Variants in EFNB2 observed in about 807,000 individuals in gnomAD.
EFNB2 encodes the protein ephrin B2.
EFNB2 carries 5 observed loss-of-function variants against 32.1 expected under a neutral mutation model. That is an observed-to-expected ratio of 0.16 (90% CI 0.08 to 0.33). EFNB2 has a LOEUF of 0.33. Ranked by LOEUF, EFNB2 falls within the 10% of genes least tolerant of loss-of-function variation. The probability of loss-of-function intolerance (pLI) is 1.00; values close to 1 mark genes in which losing one functional copy is unlikely to be tolerated. For synonymous variants in EFNB2, 168 were observed against 166.5 expected (o/e 1.01, Z -0.07); for missense variants, 263 against 422.6 (o/e 0.62, Z 3.31).
rs765962399 is a variant in EFNB2, at chr13:106,494,912, C to T, written c.582G>A (p.Ser194=). Residue 194 remains serine (S), a synonymous_variant, in exon 4 of 5, where the codon TCG becomes TCA. Transcript: ENST00000646441. ...ELEAGTNGRS[S]TTSPFVKPNP... ...TTGGTTTTACAAAGGGACTTGTTGT[C>T]GAACTTCTTCCATTTGTACCAGCTT... 1.1e-5 allele frequency: 18 copies of T among 1,613,986 alleles called. No homozygotes were observed. The highest frequency in any genetic ancestry group is 6.7e-5 in the East Asian group (3 of 44,882).
intron 2 of EFNB2, among the ~76,000 whole-genome samples, chr13:106,502,197 A>C (rs1878805574): frequency 6.6e-6 from 1 of 152,216 alleles, no homozygotes; most frequent in Non-Finnish European, 1.5e-5. Context: ...AGCTTCAGTG[A>C]CTTTTCTATG....
intron 4 of EFNB2, among the ~76,000 whole-genome samples, chr13:106,494,522 G>GA (rs1878525324): frequency 2.0e-5 from 3 of 152,202 alleles, no homozygotes; most frequent in African/African-American, 7.2e-5. Flanking sequence ...GATATAATTA[G>GA]ATGAGGGATT....
At chr13:106,515,969 G>A (rs905230732) in intron 1 of EFNB2, among the ~76,000 whole-genome samples, 1 of 152,160 alleles carries the variant, frequency 6.6e-6, no homozygotes, top group Non-Finnish European at 1.5e-5. Context: ...CTCCCTGAGG[G>A]CAGGCAAGTC....
At chr13:106,526,273 G>C (rs943146622) in intron 1 of EFNB2, among the ~76,000 whole-genome samples, 2 of 152,132 alleles carry the variant, frequency 1.3e-5, no homozygotes, top group African/African-American at 4.8e-5. Flanking sequence ...GCACAAATTC[G>C]GGTTGTCTGT....
chr13:106,512,387 A>AG (rs2138921052), intron 2 of EFNB2, 142 bp downstream of exon 2: 1 of 556,360 alleles, frequency 1.8e-6, no homozygotes, highest in East Asian at 3.5e-5. Flanking sequence ...CTTTGAAAAA[A>AG]AAAAAGGGGG....
chr13:106,500,612 T>C (rs1035006859), intron 2 of EFNB2, among the ~76,000 whole-genome samples: 1 of 152,104 alleles, frequency 6.6e-6, no homozygotes, highest in Non-Finnish European at 1.5e-5. Context: ...AATAAAAACG[T>C]TGCCCTTACA....
rs1487588046 is a variant in EFNB2 at position 106,535,623 on chromosome 13, G to C, written c.-659C>G. 2 of 150,528 alleles carry C rather than the reference G, an allele frequency of 1.3e-5. No individual in the cohort carries two copies. Among genetic ancestry groups the C allele is most frequent in the African/African-American group, 2.4e-5 (1 of 41,172 alleles). 9.3% of individuals were successfully genotyped at this position (150,528 alleles called of 1,614,324 possible). A position where few individuals can be genotyped will look rare whatever the true frequency, so the allele number is the denominator to read the frequency against. On this transcript the variant is annotated 5_prime_UTR_variant, in exon 1 of 5. Coordinates refer to ENST00000646441, the MANE Select transcript of EFNB2 (RefSeq NM_004093.4). ...GGACCCGCTGCGTGCGCAGCTCCTC[G>C]CTCCGGCCGGCGCCGCGGTCCCCGC... is the stretch of plus-strand genomic sequence containing the variant.
chr13:106,516,682 G>A (rs753487453), intron 1 of EFNB2: 3 of 152,208 alleles, frequency 2.0e-5, no homozygotes, highest in Non-Finnish European at 2.9e-5. Flanking sequence ...AGCGTCACAT[G>A]GAGAGCCAGG....
At chr13:106,522,170 G>T (rs997439622) in intron 1 of EFNB2, among the ~76,000 whole-genome samples, 3 of 152,156 alleles carry the variant, frequency 2.0e-5, no homozygotes, top group Non-Finnish European at 4.4e-5. Context: ...CAGTGGGCAA[G>T]TGAGAAGGGG....
chr13:106,519,790 T>G (rs1253846779), intron 1 of EFNB2: 2 of 152,240 alleles, frequency 1.3e-5, no homozygotes, highest in African/African-American at 2.4e-5. Context: ...TAGTCAATGC[T>G]TTTGTGATAA....
chr13:106,531,569 G>A (rs962043689), intron 1 of EFNB2, among the ~76,000 whole-genome samples: 16 of 152,212 alleles, frequency 1.1e-4, no homozygotes, highest in African/African-American at 3.9e-4. Flanking sequence ...ATGGAAGGCA[G>A]GCTGGCTTAT....
intron 2 of EFNB2, 26 bp from the exon 3 acceptor site, chr13:106,495,866 C>CA (rs776607483): frequency 1.1e-5 from 18 of 1,589,730 alleles, no homozygotes; most frequent in Non-Finnish European, 1.4e-5. Context: ...ATGGACAAAA[C>CA]AAAAAAATAA....
intron 2 of EFNB2, among the ~76,000 whole-genome samples, chr13:106,511,711 A>G (rs1337877351): frequency 6.6e-6 from 1 of 152,202 alleles, no homozygotes; most frequent in Non-Finnish European, 1.5e-5. Context: ...TTAAGAAAAA[A>G]GACTTCATTG....
At chr13:106,497,613 C>T (rs950465631) in intron 2 of EFNB2, among the ~76,000 whole-genome samples, 7 of 152,186 alleles carry the variant, frequency 4.6e-5, no homozygotes, top group African/African-American at 1.4e-4. Context: ...CATATGTATA[C>T]GTGTGCCATG....
chr13:106,501,546 C>A (rs1461829376), intron 2 of EFNB2, among the ~76,000 whole-genome samples: 1 of 152,106 alleles, frequency 6.6e-6, no homozygotes, highest in Non-Finnish European at 1.5e-5. Context: ...GTATACTTTC[C>A]CCTAAATGGC....
intron 2 of EFNB2, among the ~76,000 whole-genome samples, chr13:106,500,252 T>A (rs1436927502): frequency 1.3e-5 from 2 of 152,164 alleles, no homozygotes; most frequent in Non-Finnish European, 2.9e-5. Context: ...CTTGGCTGTG[T>A]TTAGTCCACC....
chr13:106,511,801 T>G (rs1011311125), intron 2 of EFNB2, among the ~76,000 whole-genome samples: 1 of 152,200 alleles, frequency 6.6e-6, no homozygotes, highest in African/African-American at 2.4e-5. Context: ...TGACGAGAGA[T>G]CTGCACATAG....
intron 1 of EFNB2, among the ~76,000 whole-genome samples, chr13:106,533,486 T>G (rs969889081): frequency 6.6e-6 from 1 of 152,254 alleles, no homozygotes; most frequent in African/African-American, 2.4e-5. Context: ...CTTCTCCGTA[T>G]GAGCGGTGTT....
chr13:106,525,608 C>T (rs1440912154), intron 1 of EFNB2, among the ~76,000 whole-genome samples: 1 of 152,172 alleles, frequency 6.6e-6, no homozygotes, highest in East Asian at 1.9e-4. Flanking sequence ...TGTGACTTTG[C>T]TTAGAGATGC....
Sources: allele counts gnomAD v4.1 joint callset (sites outside exome capture counted in the v4.1 genomes callset), GRCh38; gene constraint gnomAD v4.1.1; transcripts MANE v1.5; gene names NCBI Gene and HGNC (gene_info 2026-07-23, HGNC 2026-07-21).